Variants in ALLC observed in about 807,000 individuals in gnomAD.
ALLC encodes allantoicase, also known as probable inactive allantoicase.
In ALLC, 40 loss-of-function variants were observed where a neutral mutation model predicts 45.0. That is an observed-to-expected ratio of 0.89 (90% CI 0.69 to 1.16). ALLC has a LOEUF of 1.16. Among genes scored for constraint, ALLC ranks in the 50% most tolerant of loss-of-function variants. The pLI is 0.00. For synonymous variants in ALLC, 176 were observed against 178.1 expected (o/e 0.99, Z 0.09); for missense variants, 488 against 493.1 (o/e 0.99, Z 0.10).
rs139476576 is a variant in ALLC at position 3,674,176 on chromosome 2, A to G, written c.84+51A>G. 1.6e-3 allele frequency: 2,185 copies of G among 1,329,756 alleles called. 6 individuals are homozygous for G. Among genetic ancestry groups the G allele is most frequent in the Middle Eastern group, 2.3e-3 (12 of 5,262 alleles). 82.4% of individuals were successfully genotyped at this position (1,329,756 alleles called of 1,614,324 possible). A position where few individuals can be genotyped will look rare whatever the true frequency, so the allele number is the denominator to read the frequency against. On this transcript the variant is annotated intron_variant, in intron 3 of 11. Transcript: ENST00000252505. ...GTAAAGGGTTGATGTAGAGAAATCT[A>G]TGCCGCCTTGTTATTAAAATCTCCC...
intron 1 of ALLC, among the ~76,000 whole-genome samples, chr2:3,665,171 A>T (rs976849544): frequency 6.6e-6 from 1 of 152,180 alleles, no homozygotes; most frequent in African/African-American, 2.4e-5. Context: ...GCTTGGCGGC[A>T]TCAGCTGTAG....
At chr2:3,688,569 CT>C in intron 7 of ALLC, 1 of 205,816 alleles carries the variant, frequency 4.9e-6, no homozygotes, top group South Asian at 6.6e-5. Flanking sequence ...TGTTTTCATA[CT>C]TCTCATGATT....
chr2:3,695,720 G>T lies in ALLC; in HGVS notation c.515G>T (p.Gly172Val). The change falls in exon 8 of 12, where the codon GGT becomes GTT. Residue 172 changes from glycine (G) to valine (V), a missense_variant. Coordinates refer to ENST00000252505, the MANE Select transcript of ALLC (RefSeq NM_018436.4). The part of the protein sequence containing the change: ...THIRLNIFPD[G>V]GIARLRVFGT... ...CTAAGGCACCTTTCCTTTTCAGATGGTGGAATTGCACGACTTAGAGTATTC... is the reference window on the plus strand; with the variant it reads ...CTAAGGCACCTTTCCTTTTCAGATGTTGGAATTGCACGACTTAGAGTATTC... The T allele has an allele frequency of 1.9e-6, 3 of 1,613,986 alleles. No individual in the cohort carries two copies. The highest frequency in any genetic ancestry group is 2.5e-6 in the Non-Finnish European group (3 of 1,179,888).
intron 1 of ALLC, among the ~76,000 whole-genome samples, chr2:3,670,691 G>T (rs1313848314): frequency 1.3e-5 from 2 of 152,064 alleles, no homozygotes; most frequent in Non-Finnish European, 2.9e-5. Flanking sequence ...GTCTAGCCAG[G>T]GCCTGCCACC....
intron 3 of ALLC, among the ~76,000 whole-genome samples, chr2:3,677,348 T>C (rs1055257520): frequency 6.6e-6 from 1 of 152,230 alleles, no homozygotes; most frequent in Non-Finnish European, 1.5e-5. Context: ...TACCTCCTTC[T>C]CTCCTTCTGG....
chr2:3,656,707 G>A (rs535627168), upstream of ALLC, among the ~76,000 whole-genome samples: 11 of 152,316 alleles, frequency 7.2e-5, no homozygotes, highest in South Asian at 1.0e-3. Context: ...AATCTGCAGC[G>A]TCAGAATCTG....
In ALLC at chr2:3,702,625, A is replaced by T. The variant is rs1667895211; in HGVS notation, c.*62A>T. 6.9e-7 allele frequency: 1 copy of T among 1,447,706 alleles called. No individual in the cohort carries two copies. Among genetic ancestry groups the T allele is most frequent in the East Asian group, 2.4e-5 (1 of 41,112 alleles). The allele number at this position is 1,447,706 out of a possible 1,614,324, so 89.7% of individuals were successfully genotyped here. ...ATTTCCCAGTCATAGTCTTCTTTTC[A>T]AATGTTTTGAACACCTGGTGATTTA... On this transcript the variant is annotated 3_prime_UTR_variant, in exon 12 of 12. Coordinates refer to ENST00000252505, the MANE Select transcript of ALLC (RefSeq NM_018436.4).
chr2:3,652,862 G>A, the ALLC span, among the ~76,000 whole-genome samples: 14 of 152,146 alleles, frequency 9.2e-5, no homozygotes, highest in Non-Finnish European at 1.8e-4. Flanking sequence ...GATTACAGGC[G>A]TGAGCCACCA....
chr2:3,685,656 A>C (rs1454767954), intron 7 of ALLC, among the ~76,000 whole-genome samples: 1 of 151,012 alleles, frequency 6.6e-6, no homozygotes, highest in Non-Finnish European at 1.5e-5. Context: ...ATACAGAACC[A>C]GACCATGTCA....
intron 1 of ALLC, among the ~76,000 whole-genome samples, chr2:3,659,053 T>G (rs558127617): frequency 7.2e-5 from 11 of 152,150 alleles, no homozygotes; most frequent in Admixed American, 2.0e-4. Context: ...TCACTCTAAT[T>G]TTGTCCCAAA....
chr2:3,687,961 C>A, intron 7 of ALLC: 1 of 152,074 alleles, frequency 6.6e-6, no homozygotes, highest in South Asian at 1.8e-4. Context: ...TTCTTGTGCT[C>A]TTGCTGGGGC....
At chr2:3,695,987 G>T in intron 8 of ALLC, 115 bp downstream of exon 8, 1 of 1,110,460 alleles carries the variant, frequency 9.0e-7, no homozygotes, top group Non-Finnish European at 1.3e-6. Flanking sequence ...CACAGCAGTG[G>T]ATGAGATTAA....
Position 3,671,139 on chromosome 2 carries a change from T to G in ALLC, c.-19T>G, listed in dbSNP as rs776966958. On this transcript the variant is annotated 5_prime_UTR_variant, in exon 2 of 12. Coordinates refer to ENST00000252505, the MANE Select transcript of ALLC (RefSeq NM_018436.4). ...CGAAGGAGGGAAGACTGACCCGGTT[T>G]CTGGACTTCACCCAGCTGATGGACA... is the stretch of plus-strand genomic sequence containing the variant. The G allele has an allele frequency of 5.6e-6, 9 of 1,610,078 alleles. No individual in the cohort carries two copies. The highest frequency in any genetic ancestry group is 7.6e-6 in the Non-Finnish European group (9 of 1,178,326).
chr2:3,659,833 C>T (rs6754459), intron 1 of ALLC, among the ~76,000 whole-genome samples: 59,031 of 152,152 alleles, frequency 0.39, 14,339 homozygotes, highest in African/African-American at 0.7. Flanking sequence ...GTGGATACTT[C>T]TGGGATTTGT....
intron 3 of ALLC, among the ~76,000 whole-genome samples, chr2:3,676,573 T>G (rs576717908): frequency 6.6e-6 from 1 of 152,166 alleles, no homozygotes; most frequent in African/African-American, 2.4e-5. Flanking sequence ...CACTGCGTGT[T>G]TGTGAATGCC....
intron 7 of ALLC, among the ~76,000 whole-genome samples, chr2:3,692,312 A>G (rs1050325012): frequency 2.6e-5 from 4 of 152,226 alleles, no homozygotes; most frequent in African/African-American, 9.6e-5. Context: ...TGGAAGAGGA[A>G]GAATTGTCTT....
chr2:3,683,218 C>A, intron 7 of ALLC, 144 bp downstream of exon 7: 2 of 996,924 alleles, frequency 2.0e-6, no homozygotes, highest in Non-Finnish European at 2.9e-6. Context: ...CCTTTTTATG[C>A]TCTAGAAAAT....
intron 7 of ALLC, among the ~76,000 whole-genome samples, chr2:3,686,496 A>G (rs908130875): frequency 2.0e-5 from 3 of 151,106 alleles, no homozygotes; most frequent in Non-Finnish European, 4.4e-5. Flanking sequence ...GTATTTTAAT[A>G]GGGATTGAAT....
At chr2:3,646,927 G>GT in the ALLC span, among the ~76,000 whole-genome samples, 2 of 124,518 alleles carry the variant, frequency 1.6e-5, no homozygotes, top group African/African-American at 5.3e-5. Context: ...GCCAGGCTGT[G>GT]TGTGGGGAGG....
Sources: gnomAD v4.1 joint callset for allele counts (sites outside exome capture counted in the v4.1 genomes callset) on GRCh38, gnomAD v4.1.1 for gene constraint, MANE v1.5 for transcripts, NCBI Gene and HGNC (gene_info 2026-07-23, HGNC 2026-07-21) for gene names.